TMEM144: variants seen among roughly 807,000 people sequenced by gnomAD.
TMEM144 encodes the protein transmembrane protein 144.
A neutral mutation model predicts 43.6 loss-of-function variants in TMEM144; 39 were observed. The ratio of observed to expected loss-of-function variants is 0.90; its 90% confidence interval spans 0.69 to 1.17. The LOEUF is 1.17. TMEM144 is among the 50% of genes most tolerant of loss of function. The pLI is 0.00. For synonymous variants in TMEM144, 154 were observed against 133.6 expected, an observed-to-expected ratio of 1.15 and a Z score of -1.06; for missense variants, 417 against 411.9, an observed-to-expected ratio of 1.01 and a Z score of -0.11.
At chr4:158,249,010 G>A (rs969087382) in intron 12 of TMEM144, among the ~76,000 whole-genome samples, 6 of 152,104 alleles carry the variant, frequency 3.9e-5, no homozygotes, top group Non-Finnish European at 5.9e-5. Context: ...GGGTTCAAGC[G>A]ATTCTCCTGC....
intron 6 of TMEM144, among the ~76,000 whole-genome samples, chr4:158,226,672 T>C (rs1033144550): frequency 5.9e-5 from 9 of 152,174 alleles, no homozygotes; most frequent in African/African-American, 2.2e-4. Context: ...GAGGCCTAGC[T>C]ACTTTTAAAT....
chr4:158,235,134 A>G (rs1735275946), intron 7 of TMEM144: 1 of 251,112 alleles, frequency 4.0e-6, no homozygotes, highest in South Asian at 8.8e-5. Context: ...TATGCAGACC[A>G]TTAAAATATG....
In TMEM144 at chr4:158,228,916, G is replaced by A. The variant is rs183398931; in HGVS notation, c.414-3985G>A. 4.9e-3 allele frequency among the ~76,000 whole-genome samples: 752 copies of A among 152,236 alleles called. 4 individuals are homozygous for A. Among genetic ancestry groups the A allele is most frequent in the Non-Finnish European group, 5.9e-3 (399 of 68,010 alleles). ...GGCTCACAACTCTAAAGGGGTCCGC[G>A]TGAGAGGGTCGTGATGGATTGAGCA... is the stretch of plus-strand genomic sequence containing the variant. On this transcript the variant is annotated intron_variant, in intron 6 of 12. Coordinates refer to ENST00000296529, the MANE Select transcript of TMEM144 (RefSeq NM_018342.5).
At chr4:158,243,680 CT>C (rs1291698453) in intron 11 of TMEM144, among the ~76,000 whole-genome samples, 3 of 152,018 alleles carry the variant, frequency 2.0e-5, no homozygotes, top group African/African-American at 7.2e-5. Context: ...TTATTTCATT[CT>C]TTTCTTTGTC....
intron 6 of TMEM144, among the ~76,000 whole-genome samples, chr4:158,225,209 C>T (rs191207707): frequency 1.3e-3 from 192 of 152,318 alleles, no homozygotes; most frequent in African/African-American, 4.5e-3. Context: ...GAAACCCTGT[C>T]TAGTTGTTTT....
At chr4:158,251,022 G>A (rs973952510) in intron 12 of TMEM144, among the ~76,000 whole-genome samples, 13 of 152,146 alleles carry the variant, frequency 8.5e-5, no homozygotes, top group African/African-American at 3.1e-4. Flanking sequence ...CTGCTGCCTA[G>A]AGTTGCTTCC....
At chr4:158,251,519 C>T (rs1018433418) in intron 12 of TMEM144, among the ~76,000 whole-genome samples, 8 of 152,184 alleles carry the variant, frequency 5.3e-5, no homozygotes, top group African/African-American at 1.9e-4. Context: ...CTTGAAATAG[C>T]TGCAGAGGCC....
At chr4:158,229,753 G>A (rs1284176031) in intron 6 of TMEM144, among the ~76,000 whole-genome samples, 2 of 152,154 alleles carry the variant, frequency 1.3e-5, no homozygotes. Context: ...TCAGGGTCAG[G>A]CCTGAAGAGG....
intron 12 of TMEM144, among the ~76,000 whole-genome samples, chr4:158,247,882 T>C (rs569908568): frequency 4.7e-5 from 7 of 148,894 alleles, no homozygotes; most frequent in Non-Finnish European, 8.9e-5. Flanking sequence ...ATTTTTAGAG[T>C]AGGTCCTAAA....
intron 12 of TMEM144, among the ~76,000 whole-genome samples, chr4:158,250,324 CT>C (rs755108516): frequency 2.4e-4 from 36 of 151,660 alleles, no homozygotes; most frequent in Non-Finnish European, 5.0e-4. Flanking sequence ...GACTTTGTTT[CT>C]GTTCTGTTCA....
chr4:158,236,981 C>T (rs182148702), intron 8 of TMEM144, among the ~76,000 whole-genome samples: 1 of 152,158 alleles, frequency 6.6e-6, no homozygotes, highest in Admixed American at 6.5e-5. Flanking sequence ...GTCTGAAATA[C>T]CCAGATTATT....
At position 158,218,259 on chromosome 4, in the gene TMEM144, G is replaced by T. The variant is rs1734334390; in HGVS notation, c.332+839G>T. Among the ~76,000 whole-genome samples the T allele has an allele frequency of 4.6e-5, 7 of 152,298 alleles. No individual in the cohort carries two copies. In the South Asian group the frequency reaches 1.5e-3, roughly 32 times the overall value. On this transcript the variant is annotated intron_variant, in intron 5 of 12. Transcript: ENST00000296529. Reference sequence around the variant, plus strand: ...AGAGGCTACTCTTTTGTGCAGTGAAGATAGAGAACAGTCCCATCATTACAC... The same window carrying T: ...AGAGGCTACTCTTTTGTGCAGTGAATATAGAGAACAGTCCCATCATTACAC...
At chr4:158,252,373 C>G (rs1235267456) in intron 12 of TMEM144, among the ~76,000 whole-genome samples, 1 of 152,188 alleles carries the variant, frequency 6.6e-6, no homozygotes, top group Non-Finnish European at 1.5e-5. Flanking sequence ...ATCTACCCAT[C>G]ATCATCTTTT....
At chr4:158,246,711 CA>C (rs944975651) in intron 12 of TMEM144, among the ~76,000 whole-genome samples, 1 of 151,632 alleles carries the variant, frequency 6.6e-6, no homozygotes, top group Non-Finnish European at 1.5e-5. Context: ...ATCTACCTCA[CA>C]AAAAAAGATT....
In TMEM144 at chr4:158,213,452, T is replaced by C. The variant is rs1734066277; in HGVS notation, c.109+676T>C. On this transcript the variant is annotated intron_variant, in intron 3 of 12. Coordinates refer to ENST00000296529, the MANE Select transcript of TMEM144 (RefSeq NM_018342.5). ...ATTACAGCATCATGTAATTAACCAG[T>C]TAACCAGTTAAAACTGTACTACTAT... 2.0e-5 allele frequency: 3 copies of C among 152,302 alleles called. No homozygotes were observed. The South Asian group carries it at 6.2e-4, about 32-fold the overall frequency. 9.4% of individuals were successfully genotyped at this position (152,302 alleles called of 1,614,324 possible).
intron 3 of TMEM144, among the ~76,000 whole-genome samples, chr4:158,214,227 G>A (rs1579099822): frequency 1.3e-5 from 2 of 152,022 alleles, no homozygotes; most frequent in African/African-American, 2.4e-5. Flanking sequence ...TGGTAGAGAC[G>A]GAATCTCAAG....
chr4:158,217,217 A>C, intron 4 of TMEM144, 104 bp from the exon 5 acceptor site: 2 of 754,122 alleles, frequency 2.7e-6, no homozygotes, highest in Non-Finnish European at 4.1e-6. Context: ...AAATTTGTCC[A>C]AATCACATGC....
intron 6 of TMEM144, among the ~76,000 whole-genome samples, chr4:158,220,883 G>A (rs144685650): frequency 3.0e-4 from 46 of 152,114 alleles, no homozygotes; most frequent in African/African-American, 1.1e-3. Context: ...GTGCATCTAG[G>A]CTCCCTTCTA....
At chr4:158,229,509 A>C (rs1475866923) in intron 6 of TMEM144, among the ~76,000 whole-genome samples, 1 of 151,956 alleles carries the variant, frequency 6.6e-6, no homozygotes, top group Non-Finnish European at 1.5e-5. Flanking sequence ...TTAAGGCAGC[A>C]CTTTGACTGT....
Sources: gnomAD v4.1 joint callset for allele counts (sites outside exome capture counted in the v4.1 genomes callset) on GRCh38, gnomAD v4.1.1 for gene constraint, MANE v1.5 for transcripts, NCBI Gene and HGNC (gene_info 2026-07-23, HGNC 2026-07-21) for gene names.